The following ABCF1 variants were observed in gnomAD, a reference collection of about 807,000 sequenced individuals.
ABCF1 encodes ATP-binding cassette sub-family F member 1.
A neutral mutation model predicts 126.3 loss-of-function variants in ABCF1; 73 were observed. The ratio of observed to expected loss-of-function variants is 0.58; its 90% CI spans 0.48 to 0.70. The LOEUF (loss-of-function observed/expected upper bound fraction) is 0.70, where lower values mean the gene tolerates loss of function less well. ABCF1 is among the 30% of genes least tolerant of loss of function. The probability of loss-of-function intolerance (pLI) is 0.00; values close to 1 mark genes in which losing one functional copy is unlikely to be tolerated. For missense variants in ABCF1, 786 were observed against 1,057.5 expected (o/e 0.74, Z 3.56); for synonymous variants, 345 against 396.4 (o/e 0.87, Z 1.54).
intron 3 of ABCF1, 60 bp downstream of exon 3, chr6:30,577,973 C>T: frequency 6.2e-7 from 1 of 1,613,272 alleles, no homozygotes; most frequent in Non-Finnish European, 8.5e-7. Flanking sequence ...CAACCCCTTT[C>T]CAGCCCATGT....
chr6:30,581,119 A>T (rs1801795301), intron 8 of ABCF1, among the ~76,000 whole-genome samples: 1 of 152,186 alleles, frequency 6.6e-6, no homozygotes, highest in Non-Finnish European at 1.5e-5. Flanking sequence ...AGCTATATAA[A>T]AATAAATGTC....
Position 30,590,671 on chromosome 6 carries a change from T to C in ABCF1, c.2508T>C (p.Gly836=). Residue 836 remains glycine (G), a synonymous_variant, in exon 25 of 25, where the codon GGT becomes GGC. Transcript: ENST00000326195. ...AGCGGGAGGTGTTGGAGGCCCTGGG[T>C]GAAGTCATGGTCAGCCGGCCCCGAG... is the stretch of plus-strand genomic sequence containing the variant. The part of the protein sequence containing the change: ...DYKREVLEAL[G]EVMVSRPRE 6.2e-7 allele frequency: 1 copy of C among 1,607,680 alleles called. No individual in the cohort carries two copies. Among genetic ancestry groups the C allele is most frequent in the Non-Finnish European group, 8.5e-7 (1 of 1,178,892 alleles).
Position 30,585,929 on chromosome 6 carries a change from T to C in ABCF1, c.1651T>C (p.Tyr551His). Residue 551 changes from tyrosine (Y) to histidine (H), a missense_variant, in exon 17 of 25, where the codon TAT becomes CAT. Tyr to His is a moderately conservative substitution (Grantham distance 83). Transcript: ENST00000326195. ...QQKQKELLKQ[Y>H]EKQEKKLKEL... ...GAAGCAGAAAGAACTGCTGAAACAG[T>C]ATGAGAAGCAAGAGAAAAAGCTGAA... 1 of 1,610,628 alleles carries C rather than the reference T, an allele frequency of 6.2e-7. No individual in the cohort carries two copies. The highest frequency in any genetic ancestry group is 8.5e-7 in the Non-Finnish European group (1 of 1,178,714).
chr6:30,590,473 T>C, intron 24 of ABCF1, 62 bp from the exon 25 acceptor site: 4 of 1,579,916 alleles, frequency 2.5e-6, no homozygotes, highest in Non-Finnish European at 3.4e-6. Context: ...CCTTATTTCA[T>C]GTTCTGATTC....
At chr6:30,587,495 G>A (rs1271071049) in intron 20 of ABCF1, among the ~76,000 whole-genome samples, 1 of 151,882 alleles carries the variant, frequency 6.6e-6, no homozygotes, top group Non-Finnish European at 1.5e-5. Context: ...TTAGCCAGAC[G>A]TGGTTGCACA....
intron 20 of ABCF1, 180 bp from the exon 21 acceptor site, chr6:30,589,508 C>T: frequency 1.5e-6 from 1 of 667,168 alleles, no homozygotes; most frequent in South Asian, 2.0e-5. Context: ...GAGGCTGAGG[C>T]AGGAGAATGG....
chr6:30,581,612 C>T (rs1334558179), intron 8 of ABCF1, among the ~76,000 whole-genome samples: 1 of 151,856 alleles, frequency 6.6e-6, no homozygotes, highest in Non-Finnish European at 1.5e-5. Flanking sequence ...ACCATGTTAG[C>T]CAGGATGGTC....
chr6:30,577,490 A>G (rs1166688560), intron 2 of ABCF1, 35 bp downstream of exon 2: 11 of 1,607,560 alleles, frequency 6.8e-6, no homozygotes, highest in South Asian at 1.1e-5. Context: ...AGAAATGACT[A>G]TGGATGTTTC....
At position 30,578,086 on chromosome 6, in the gene ABCF1, A is replaced by AT. The variant is rs1561786325; in HGVS notation, c.227_228insT (p.Lys76AsnfsTer15). Reference sequence around the variant, plus strand: ...TTTTGCTCTCAGCAGCAAAAAAAAAAGCGAGATACCCGAAAAGGCAGGCGG... The same window carrying AT: ...TTTTGCTCTCAGCAGCAAAAAAAAAATGCGAGATACCCGAAAAGGCAGGCGG... On this transcript the variant is annotated frameshift_variant, in exon 4 of 25. Coordinates refer to ENST00000326195, the MANE Select transcript of ABCF1 (RefSeq NM_001025091.2). LOFTEE classifies it high-confidence loss of function. The AT allele has an allele frequency of 3.1e-6, 5 of 1,613,908 alleles. No homozygotes were observed. The highest frequency in any genetic ancestry group is 4.2e-6 in the Non-Finnish European group (5 of 1,180,000).
intron 8 of ABCF1, 78 bp downstream of exon 8, chr6:30,580,597 G>A (rs1801767394): frequency 1.2e-6 from 1 of 853,822 alleles, no homozygotes; most frequent in Non-Finnish European, 1.7e-6. Context: ...TAGAATCTGG[G>A]GATATAGTTA....
chr6:30,590,822 T>G lies in ABCF1; in HGVS notation c.*121T>G. ...CTGACCTGGCAACCATTCAGGCACA[T>G]GAAGGTGGAGTGTGACCTTGATGTG... On this transcript the variant is annotated 3_prime_UTR_variant, in exon 25 of 25. Coordinates refer to ENST00000326195, the MANE Select transcript of ABCF1 (RefSeq NM_001025091.2). 8.8e-7 allele frequency: 1 copy of G among 1,136,008 alleles called. No individual in the cohort carries two copies. Among genetic ancestry groups the G allele is most frequent in the South Asian group, 1.6e-5 (1 of 63,308 alleles). The allele number at this position is 1,136,008 out of a possible 1,614,324, so 70.4% of individuals were successfully genotyped here. A position where few individuals can be genotyped will look rare whatever the true frequency, so the allele number is the denominator to read the frequency against.
intron 8 of ABCF1, 43 bp downstream of exon 8, chr6:30,580,562 G>A (rs1461252079): frequency 8.2e-7 from 1 of 1,219,262 alleles, no homozygotes; most frequent in Non-Finnish European, 1.1e-6. Context: ...AGGGACTAGG[G>A]CTTCCAGGGT....
Position 30,578,385 on chromosome 6 carries a change from G to A in ABCF1, c.381G>A (p.Lys127=), listed in dbSNP as rs1299353655. ...APKPRGGKKT[K]GGNVFAALIQ... is the part of the protein sequence containing the mutation. ...AACCCCGCGGAGGGAAGAAAACCAAGGTAAGCCATCTGTGTGGTAAACGGA... is the reference window on the plus strand; with the variant it reads ...AACCCCGCGGAGGGAAGAAAACCAAAGTAAGCCATCTGTGTGGTAAACGGA... The change falls in exon 5 of 25, where the codon AAG becomes AAA. Residue 127 remains lysine (K), a splice_region_variant and synonymous_variant. Coordinates refer to ENST00000326195, the MANE Select transcript of ABCF1 (RefSeq NM_001025091.2). 6.2e-7 allele frequency: 1 copy of A among 1,614,094 alleles called. No individual in the cohort carries two copies. The highest frequency in any genetic ancestry group is 1.1e-5 in the South Asian group (1 of 91,074).
At chr6:30,573,747 A>C (rs1345515884) in intron 1 of ABCF1, among the ~76,000 whole-genome samples, 2 of 152,220 alleles carry the variant, frequency 1.3e-5, no homozygotes, top group Admixed American at 1.3e-4. Flanking sequence ...GGACCAAAAA[A>C]TACTTTGTGG....
At chr6:30,582,050 G>GT (rs1008842389) in intron 8 of ABCF1, among the ~76,000 whole-genome samples, 16 of 150,320 alleles carry the variant, frequency 1.1e-4, no homozygotes, top group East Asian at 3.9e-4. Context: ...GGAGTCCCTA[G>GT]TTTTTTTTTG....
At position 30,578,148 on chromosome 6, in the gene ABCF1, C is replaced by T; in HGVS notation, c.289C>T (p.Leu97Phe). The part of the protein sequence containing the change: ...DVDDDGEEKE[L>F]MERLKKLSVP... ...GGATGATGATGGAGAAGAGAAAGAG[C>T]TCATGGAGCGTCTTAAGAAGCTCTC... The change falls in exon 4 of 25, where the codon CTC becomes TTC. Residue 97 changes from leucine (L) to phenylalanine (F), a missense_variant. Physicochemically the swap from Leu to Phe is conservative, Grantham distance 22. Coordinates refer to ENST00000326195, the MANE Select transcript of ABCF1 (RefSeq NM_001025091.2). 10 of 1,613,962 alleles carry T rather than the reference C, an allele frequency of 6.2e-6. No individual in the cohort carries two copies. Among genetic ancestry groups the T allele is most frequent in the Non-Finnish European group, 8.5e-6 (10 of 1,179,994 alleles).
In ABCF1 at chr6:30,585,147, G is replaced by C. The variant is rs542110207; in HGVS notation, c.1392-113G>C. ...TCCTGCCCGAGAACTTCTCTGAGGA[G>C]AGCTTGGGAAGGAGTGTTCATGGTC... On this transcript the variant is annotated intron_variant, in intron 14 of 24. Transcript: ENST00000326195. 1.3e-4 allele frequency: 122 copies of C among 952,520 alleles called. No homozygotes were observed. In the South Asian group the frequency reaches 1.4e-3, roughly 11 times the overall value. 59.0% of individuals were successfully genotyped at this position (952,520 alleles called of 1,614,324 possible). A position where few individuals can be genotyped will look rare whatever the true frequency, so the allele number is the denominator to read the frequency against.
At chr6:30,579,007 A>C (rs183269264) in intron 6 of ABCF1, among the ~76,000 whole-genome samples, 2 of 152,096 alleles carry the variant, frequency 1.3e-5, no homozygotes, top group Non-Finnish European at 2.9e-5. Flanking sequence ...CTCAAAAAAA[A>C]AACAACAAAA....
rs1284021423 is a variant in ABCF1 at position 30,583,533 on chromosome 6, G to A, written c.916-75G>A. 4.0e-6 allele frequency: 6 copies of A among 1,484,226 alleles called. No homozygotes were observed. Among genetic ancestry groups the A allele is most frequent in the South Asian group, 1.2e-5 (1 of 86,870 alleles). The allele number at this position is 1,484,226 out of a possible 1,614,324, so 91.9% of individuals were successfully genotyped here. ...GAGGCTTCCCTGCAGGGAGAAAGTG[G>A]CCGCTCCTGTCCCAAAGGGAGAATT... On this transcript the variant is annotated intron_variant, in intron 10 of 24. Coordinates refer to ENST00000326195, the MANE Select transcript of ABCF1 (RefSeq NM_001025091.2). The surrounding 1 kb of genome is among the most constrained non-coding windows in gnomAD (Gnocchi z 4.1).
Sources: allele counts gnomAD v4.1 joint callset (sites outside exome capture counted in the v4.1 genomes callset), GRCh38; gene constraint gnomAD v4.1.1; non-coding constraint Gnocchi (gnomAD v3.1); transcripts MANE v1.5; gene names NCBI Gene and HGNC (gene_info 2026-07-23, HGNC 2026-07-21).